SLC25A28: variants seen among roughly 807,000 people sequenced by gnomAD.
The protein encoded by SLC25A28 is solute carrier family 25 member 28.
SLC25A28 carries 10 observed loss-of-function variants against 31.9 expected under a neutral mutation model. The observed-to-expected ratio is 0.31, with a 90% CI of 0.19 to 0.53. The LOEUF (loss-of-function observed/expected upper bound fraction) is 0.53, where lower values mean the gene tolerates loss of function less well. Among genes scored for constraint, SLC25A28 ranks in the 20% least tolerant of loss-of-function variants. SLC25A28 has a pLI of 0.95. For missense variants in SLC25A28, 256 were observed against 490.3 expected (o/e 0.52, Z 4.51); for synonymous variants, 208 against 203.6 (o/e 1.02, Z -0.19).
the SLC25A28 span, among the ~76,000 whole-genome samples, chr10:99,658,612 G>C: frequency 6.6e-6 from 1 of 152,144 alleles, no homozygotes; most frequent in East Asian, 1.9e-4. Context: ...TAAGAGGCTG[G>C]GACGGTTATT....
chr10:99,619,456 TG>T, intron 1 of SLC25A28: 3 of 971,250 alleles, frequency 3.1e-6, no homozygotes, highest in Non-Finnish European at 3.7e-6. Flanking sequence ...AACCTATTCC[TG>T]AATACGATCT....
the SLC25A28 span, among the ~76,000 whole-genome samples, chr10:99,656,746 T>C: frequency 6.6e-6 from 1 of 152,196 alleles, no homozygotes; most frequent in African/African-American, 2.4e-5. Flanking sequence ...CAAATGTAAT[T>C]GTAAGGCAAG....
chr10:99,644,929 A>G, the SLC25A28 span, among the ~76,000 whole-genome samples: 14 of 152,170 alleles, frequency 9.2e-5, no homozygotes, highest in Admixed American at 3.9e-4. Context: ...ATCCGCTGTT[A>G]GTTTGATGGG....
At chr10:99,653,423 G>A in the SLC25A28 span, among the ~76,000 whole-genome samples, 5 of 152,166 alleles carry the variant, frequency 3.3e-5, no homozygotes, top group South Asian at 2.1e-4. Context: ...GACTTTAGCC[G>A]CCTATAACCC....
the SLC25A28 span, among the ~76,000 whole-genome samples, chr10:99,644,960 G>A: frequency 3.3e-3 from 504 of 152,286 alleles, 3 homozygotes; most frequent in African/African-American, 0.011. Flanking sequence ...TGGGTAACCC[G>A]ACCTTTCTCT....
At position 99,611,124 on chromosome 10, in the gene SLC25A28, C is replaced by A; in HGVS notation, c.820G>T (p.Val274Leu). 1 of 1,614,220 alleles carries A rather than the reference C, an allele frequency of 6.2e-7. No homozygotes were observed. The highest frequency in any genetic ancestry group is 2.2e-5 in the East Asian group (1 of 44,880). Residue 274 changes from valine (V) to leucine (L), a missense_variant, in exon 4 of 4, where the codon GTA becomes TTA. Physicochemically the swap from Val to Leu is conservative, Grantham distance 32 (BLOSUM62 1). Transcript: ENST00000370495. The surrounding 1 kb of genome is among the most constrained non-coding windows in gnomAD (Gnocchi z 5.5). ...AGTGGGGTTGTGGCTGCGGCAGCTA[C>A]AGCTCCTGCGCAAGCTCCAGAGAGG... ...HVLSGACAGAVAAAATTPLDV... is the reference protein window; with the variant it reads ...HVLSGACAGALAAAATTPLDV...
the SLC25A28 span, among the ~76,000 whole-genome samples, chr10:99,655,162 A>T: frequency 1.3e-5 from 2 of 152,230 alleles, no homozygotes; most frequent in Non-Finnish European, 2.9e-5. Flanking sequence ...ATTAAAATGT[A>T]GATCTTATCG....
At chr10:99,648,451 A>G in the SLC25A28 span, among the ~76,000 whole-genome samples, 1 of 151,828 alleles carries the variant, frequency 6.6e-6, no homozygotes, top group East Asian at 1.9e-4. Context: ...TTTTGGTTAC[A>G]TATGAATTTT....
chr10:99,648,990 C>CT, the SLC25A28 span, among the ~76,000 whole-genome samples: 1 of 152,018 alleles, frequency 6.6e-6, no homozygotes, highest in Non-Finnish European at 1.5e-5. Flanking sequence ...ACTTCCAGTA[C>CT]TAAGTTGAAT....
At chr10:99,629,354 T>C in the SLC25A28 span, among the ~76,000 whole-genome samples, 2 of 152,154 alleles carry the variant, frequency 1.3e-5, no homozygotes, top group African/African-American at 4.8e-5. Context: ...CCTGCACAAC[T>C]ATGAGCCAAA....
intron 1 of SLC25A28, chr10:99,615,333 G>A: frequency 3.3e-6 from 3 of 900,984 alleles, no homozygotes; most frequent in Non-Finnish European, 3.9e-6. Flanking sequence ...GGCAGCCTGG[G>A]CAACAAGAGC....
intron 1 of SLC25A28, chr10:99,616,252 C>T (rs987118960): frequency 1.0e-6 from 1 of 953,564 alleles, no homozygotes; most frequent in Admixed American, 6.2e-5. Flanking sequence ...AAGCCTGAGT[C>T]TGAGCCTCAG....
chr10:99,613,654 GA>G lies in SLC25A28; in HGVS notation c.520+41del. ...AGCACTGACAGCAGCAAAGCCCAAA[GA>G]GTTGGGAAAGTGGGGGAACCAGCAC... On this transcript the variant is annotated intron_variant, in intron 2 of 3. Coordinates refer to ENST00000370495, the MANE Select transcript of SLC25A28 (RefSeq NM_031212.4). This position sits in a 1 kb window ranked among gnomAD's most constrained non-coding sequence, Gnocchi z 4.9. 5.0e-6 allele frequency: 8 copies of G among 1,613,874 alleles called. No homozygotes were observed. Among genetic ancestry groups the G allele is most frequent in the Non-Finnish European group, 6.8e-6 (8 of 1,179,932 alleles).
At chr10:99,643,989 T>A in the SLC25A28 span, among the ~76,000 whole-genome samples, 1 of 152,234 alleles carries the variant, frequency 6.6e-6, no homozygotes, top group Admixed American at 6.5e-5. Context: ...CTTCCAACTA[T>A]ATGGTCAATT....
upstream of SLC25A28, chr10:99,622,688 G>A (rs567558167): frequency 2.5e-3 from 2,507 of 985,318 alleles, 5 homozygotes; most frequent in South Asian, 5.0e-3. Context: ...CATCTCAGTC[G>A]CTTACACTTC....
chr10:99,616,896 T>C (rs2034668915), intron 1 of SLC25A28: 9 of 937,502 alleles, frequency 9.6e-6, no homozygotes, highest in Non-Finnish European at 1.1e-5. Flanking sequence ...AATAAATGTA[T>C]GTAAGGTACT....
chr10:99,621,097 CTG>C, upstream of SLC25A28: 1 of 605,020 alleles, frequency 1.7e-6, no homozygotes, highest in South Asian at 7.3e-5. Flanking sequence ...GACCCGCAGC[CTG>C]TCCGGGAAGC....
chr10:99,646,485 A>C, the SLC25A28 span, among the ~76,000 whole-genome samples: 1 of 152,218 alleles, frequency 6.6e-6, no homozygotes, highest in East Asian at 1.9e-4. Flanking sequence ...AGGAAAGGGA[A>C]TTCCCCAACC....
At position 99,613,598 on chromosome 10, in the gene SLC25A28, G is replaced by T; in HGVS notation, c.520+98C>A. 1.9e-6 allele frequency: 3 copies of T among 1,582,516 alleles called. No individual in the cohort carries two copies. Among genetic ancestry groups the T allele is most frequent in the Non-Finnish European group, 2.6e-6 (3 of 1,164,354 alleles). On this transcript the variant is annotated intron_variant, in intron 2 of 3. Coordinates refer to ENST00000370495, the MANE Select transcript of SLC25A28 (RefSeq NM_031212.4). The surrounding 1 kb of genome is among the most constrained non-coding windows in gnomAD (Gnocchi z 4.9). Reference sequence around the variant, plus strand: ...ATAATCTGGCCTATCCCAGCCCAAAGCTTCAGCTCCAAACCATGCTGAGAC... The same window carrying T: ...ATAATCTGGCCTATCCCAGCCCAAATCTTCAGCTCCAAACCATGCTGAGAC...
Sources: gnomAD v4.1 joint callset for allele counts (sites outside exome capture counted in the v4.1 genomes callset) on GRCh38, gnomAD v4.1.1 for gene constraint, Gnocchi (gnomAD v3.1) non-coding constraint, MANE v1.5 for transcripts, NCBI Gene and HGNC (gene_info 2026-07-23, HGNC 2026-07-21) for gene names.